CDIN1: variants seen among roughly 807,000 people sequenced by gnomAD.
The protein encoded by CDIN1 is CDAN1-interacting nuclease 1.
In CDIN1, 33 loss-of-function variants were observed where a neutral mutation model predicts 45.3. That is an observed-to-expected ratio of 0.73 (90% CI 0.55 to 0.97). CDIN1 has a LOEUF of 0.97. Among genes scored for constraint, CDIN1 ranks in the 50% least tolerant of loss-of-function variants. The pLI is 0.00. For missense variants in CDIN1, 303 were observed against 339.4 expected (o/e 0.89, Z 0.84); for synonymous variants, 118 against 124.4 (o/e 0.95, Z 0.34).
intron 10 of CDIN1, among the ~76,000 whole-genome samples, chr15:36,714,691 G>A (rs2043163324): frequency 6.6e-6 from 1 of 152,054 alleles, no homozygotes. Context: ...CCTACACCTG[G>A]AAAGGTGTCA....
intron 5 of CDIN1, among the ~76,000 whole-genome samples, chr15:36,671,054 A>G (rs554572775): frequency 5.9e-5 from 9 of 152,278 alleles, no homozygotes; most frequent in African/African-American, 1.9e-4. Context: ...GTTTGTCTCT[A>G]GTTGTATCTG....
intron 4 of CDIN1, 25 bp from the exon 5 acceptor site, chr15:36,657,807 TA>T: frequency 6.3e-7 from 1 of 1,586,690 alleles, no homozygotes. Context: ...TTGATAGTTT[TA>T]ATTTTCTACT....
At chr15:36,627,818 G>C (rs989852586) in intron 1 of CDIN1, 1 of 152,284 alleles carries the variant, frequency 6.6e-6, no homozygotes, top group African/African-American at 2.4e-5. Context: ...TTCAGGGACT[G>C]TAGCAACAGG....
intron 10 of CDIN1, among the ~76,000 whole-genome samples, chr15:36,772,100 T>C (rs1365435016): frequency 1.3e-5 from 2 of 152,210 alleles, no homozygotes; most frequent in Non-Finnish European, 2.9e-5. Flanking sequence ...TTAGATATTA[T>C]GTTAACAGTT....
chr15:36,777,242 C>A lies in CDIN1; in HGVS notation c.717-31082C>A, dbSNP rs149802712. ...TTTCAACGTTGTGGCTAATTAGTGA[C>A]GGGAGAAAAAAAGAAATACTTGAGC... On this transcript the variant is annotated intron_variant, in intron 10 of 10. Transcript: ENST00000566621. Among the ~76,000 whole-genome samples, 402 of 151,942 alleles carry A rather than the reference C, an allele frequency of 2.6e-3. 2 individuals carry two copies. Among genetic ancestry groups the A allele is most frequent in the African/African-American group, 9.2e-3 (380 of 41,438 alleles).
intron 10 of CDIN1, among the ~76,000 whole-genome samples, chr15:36,807,256 G>T (rs1344441518): frequency 6.6e-6 from 1 of 152,104 alleles, no homozygotes; most frequent in Non-Finnish European, 1.5e-5. Flanking sequence ...ATCATGGAAG[G>T]CAAAAGCTTT....
At chr15:36,585,306 T>C (rs1363673766) in intron 1 of CDIN1, among the ~76,000 whole-genome samples, 1 of 152,202 alleles carries the variant, frequency 6.6e-6, no homozygotes, top group Non-Finnish European at 1.5e-5. Flanking sequence ...ACAGACACAT[T>C]TTTTGAACTT....
intron 10 of CDIN1, among the ~76,000 whole-genome samples, chr15:36,755,389 T>G (rs957299560): frequency 2.0e-5 from 3 of 152,204 alleles, no homozygotes; most frequent in African/African-American, 7.2e-5. Flanking sequence ...ATTTTCTCGT[T>G]TCTGAAGTCG....
chr15:36,785,477 T>G (rs1415772756), intron 10 of CDIN1, among the ~76,000 whole-genome samples: 2 of 152,102 alleles, frequency 1.3e-5, no homozygotes, highest in Non-Finnish European at 2.9e-5. Context: ...AGTCATGAAT[T>G]GAAGCATAGG....
intron 1 of CDIN1, among the ~76,000 whole-genome samples, chr15:36,615,788 T>C (rs2140290428): frequency 6.6e-6 from 1 of 152,374 alleles, no homozygotes; most frequent in East Asian, 1.9e-4. Context: ...TCTCAATTTC[T>C]TGTTTTGTTT....
intron 1 of CDIN1, chr15:36,618,605 T>C (rs1159597755): frequency 1.2e-6 from 1 of 825,404 alleles, no homozygotes; most frequent in South Asian, 1.3e-5. Flanking sequence ...TCTGATGTTG[T>C]TAAAGGTGTC....
chr15:36,601,900 G>A (rs111241078), intron 1 of CDIN1, among the ~76,000 whole-genome samples: 2 of 152,304 alleles, frequency 1.3e-5, no homozygotes, highest in African/African-American at 4.8e-5. Flanking sequence ...CACGATCATA[G>A]CATCACTGAA....
intron 10 of CDIN1, chr15:36,747,174 A>G (rs769430885): frequency 2.6e-6 from 1 of 392,102 alleles, no homozygotes; most frequent in Non-Finnish European, 4.5e-6. Flanking sequence ...ATCTTAAACA[A>G]TAAGTAGCAA....
chr15:36,784,427 A>G (rs2054435573), intron 10 of CDIN1, among the ~76,000 whole-genome samples: 1 of 152,212 alleles, frequency 6.6e-6, no homozygotes, highest in South Asian at 2.1e-4. Context: ...GCAATTGTAA[A>G]GGACTACACA....
At chr15:36,684,916 G>A (rs1297486728) in intron 5 of CDIN1, among the ~76,000 whole-genome samples, 8 of 149,530 alleles carry the variant, frequency 5.4e-5, no homozygotes, top group Non-Finnish European at 7.5e-5. Flanking sequence ...CTGTGGGATC[G>A]GTGGTGATAT....
chr15:36,686,083 T>C (rs1259786176), intron 5 of CDIN1, among the ~76,000 whole-genome samples: 1 of 151,904 alleles, frequency 6.6e-6, no homozygotes, highest in Non-Finnish European at 1.5e-5. Context: ...TGACTATAAA[T>C]CATGCTGCTA....
chr15:36,724,877 A>C (rs540113083), intron 10 of CDIN1, among the ~76,000 whole-genome samples: 2 of 152,230 alleles, frequency 1.3e-5, no homozygotes, highest in Non-Finnish European at 2.9e-5. Flanking sequence ...ACCTCACATC[A>C]GTTTCTACCA....
At chr15:36,610,662 T>C (rs998784222) in intron 1 of CDIN1, among the ~76,000 whole-genome samples, 3 of 152,248 alleles carry the variant, frequency 2.0e-5, no homozygotes, top group Admixed American at 2.0e-4. Context: ...TAGATTCTAT[T>C]TGCCTAAACA....
At chr15:36,745,449 C>T (rs916476959) in intron 10 of CDIN1, among the ~76,000 whole-genome samples, 2 of 152,124 alleles carry the variant, frequency 1.3e-5, no homozygotes, top group African/African-American at 4.8e-5. Context: ...ACAACTATTA[C>T]TTTCCAAAAA....
Sources: allele counts gnomAD v4.1 joint callset (sites outside exome capture counted in the v4.1 genomes callset), GRCh38; gene constraint gnomAD v4.1.1; transcripts MANE v1.5; gene names NCBI Gene and HGNC (gene_info 2026-07-23, HGNC 2026-07-21).